The following ANKS1B variants were observed in gnomAD, a reference collection of about 807,000 sequenced individuals.
The protein encoded by ANKS1B is ankyrin repeat and sterile alpha motif domain-containing protein 1B.
In ANKS1B, 36 loss-of-function variants were observed where a neutral mutation model predicts 148.3. That is an observed-to-expected ratio of 0.24 (90% confidence interval 0.19 to 0.32). The LOEUF is 0.32. Among genes scored for constraint, ANKS1B ranks in the 10% least tolerant of loss-of-function variants. The pLI, the probability that ANKS1B is intolerant of heterozygous loss-of-function variation, is 1.00. For missense variants in ANKS1B, 1,157 were observed against 1,542.6 expected (o/e 0.75, Z 4.19); for synonymous variants, 542 against 560.8 (o/e 0.97, Z 0.47).
intron 17 of ANKS1B, among the ~76,000 whole-genome samples, chr12:99,041,137 A>C (rs1323287959): frequency 6.6e-6 from 1 of 152,184 alleles, no homozygotes; most frequent in Admixed American, 6.5e-5. Context: ...AAAATTCTTG[A>C]GCAAGATTGA....
At chr12:99,758,146 A>T (rs2061742210) in intron 8 of ANKS1B, among the ~76,000 whole-genome samples, 1 of 152,014 alleles carries the variant, frequency 6.6e-6, no homozygotes, top group African/African-American at 2.4e-5. Context: ...TGAAATACAA[A>T]CTCCATTTCA....
At chr12:99,616,645 A>G (rs1303926038) in intron 9 of ANKS1B, among the ~76,000 whole-genome samples, 1 of 152,222 alleles carries the variant, frequency 6.6e-6, no homozygotes, top group African/African-American at 2.4e-5. Context: ...TTAACTCAAG[A>G]TGGATTAAAG....
At chr12:98,988,263 T>A (rs1223223374) in intron 17 of ANKS1B, among the ~76,000 whole-genome samples, 1 of 152,184 alleles carries the variant, frequency 6.6e-6, no homozygotes, top group East Asian at 1.9e-4. Context: ...AATTCCCTCC[T>A]TGCAATCACC....
At chr12:99,368,833 C>T (rs566031344) in intron 12 of ANKS1B, among the ~76,000 whole-genome samples, 6 of 152,034 alleles carry the variant, frequency 3.9e-5, no homozygotes, top group African/African-American at 7.2e-5. Flanking sequence ...TTCAGAATAT[C>T]GCACCTTTTT....
rs371916190 is a variant in ANKS1B, at chr12:99,558,806, G to A, written c.1273-54165C>T. On this transcript the variant is annotated intron_variant, in intron 9 of 26. Transcript: ENST00000683438. Reference sequence around the variant, plus strand: ...GTTGCCCAAAAGCTAAAGCCTCCTGGAGGAGCATGGCAAGCCTTGGTGTAT... The same window carrying A: ...GTTGCCCAAAAGCTAAAGCCTCCTGAAGGAGCATGGCAAGCCTTGGTGTAT... 5.3e-5 allele frequency among the ~76,000 whole-genome samples: 8 copies of A among 152,278 alleles called. No homozygotes were observed. In the East Asian group the frequency reaches 1.4e-3, roughly 26 times the overall value.
chr12:99,872,782 T>A (rs1399707136), intron 1 of ANKS1B, among the ~76,000 whole-genome samples: 1 of 152,168 alleles, frequency 6.6e-6, no homozygotes, highest in African/African-American at 2.4e-5. Flanking sequence ...CTTCTCTTTA[T>A]AATCTATATG....
In ANKS1B at chr12:99,576,583, C is replaced by G. The variant is rs1258727703; in HGVS notation, c.1273-71942G>C. 2.0e-5 allele frequency among the ~76,000 whole-genome samples: 3 copies of G among 152,074 alleles called. No homozygotes were observed. In the East Asian group the frequency reaches 5.8e-4, roughly 29 times the overall value. ...ATAGAAATCAATAACAAGAAGATCTCTCAAGACCACACAATTACATGGAAA... is the reference window on the plus strand; with the variant it reads ...ATAGAAATCAATAACAAGAAGATCTGTCAAGACCACACAATTACATGGAAA... On this transcript the variant is annotated intron_variant, in intron 9 of 26. Transcript: ENST00000683438.
intron 9 of ANKS1B, among the ~76,000 whole-genome samples, chr12:99,549,053 T>C (rs1596809708): frequency 6.6e-6 from 1 of 152,320 alleles, no homozygotes; most frequent in Non-Finnish European, 1.5e-5. Context: ...AATTTACCTA[T>C]ATCTTTTTTC....
At chr12:99,355,199 C>T (rs1290032577) in intron 12 of ANKS1B, among the ~76,000 whole-genome samples, 4 of 151,962 alleles carry the variant, frequency 2.6e-5, no homozygotes, top group East Asian at 1.9e-4. Flanking sequence ...CCTAAGAGAG[C>T]GGAATTGCTA....
At chr12:99,314,622 C>T (rs1016206807) in intron 12 of ANKS1B, among the ~76,000 whole-genome samples, 2 of 152,152 alleles carry the variant, frequency 1.3e-5, no homozygotes, top group Admixed American at 1.3e-4. Flanking sequence ...CACACATCTA[C>T]AACCATCTGA....
intron 8 of ANKS1B, among the ~76,000 whole-genome samples, chr12:99,744,892 T>C (rs977513841): frequency 4.1e-5 from 6 of 145,526 alleles, no homozygotes; most frequent in African/African-American, 1.5e-4. Flanking sequence ...CTCAGGAGGC[T>C]GAGGCAGGAG....
intron 11 of ANKS1B, among the ~76,000 whole-genome samples, chr12:99,436,182 C>T (rs761301222): frequency 5.9e-5 from 9 of 151,936 alleles, no homozygotes; most frequent in Admixed American, 1.3e-4. Flanking sequence ...TTATTCTCTC[C>T]TGAAGCTTCA....
rs2098088476 is a variant in ANKS1B, at chr12:99,624,348, A to G, written c.1272+30719T>C. ...ACTTTTTAGACATCAGCCTTGACAA[A>G]GAGTTTATGGCAATATCCTCAAAAG... On this transcript the variant is annotated intron_variant, in intron 9 of 26. Coordinates refer to ENST00000683438, the MANE Select transcript of ANKS1B (RefSeq NM_001352186.2). Among the ~76,000 whole-genome samples the G allele has an allele frequency of 3.3e-5, 5 of 152,076 alleles. No individual in the cohort carries two copies. The South Asian group carries it at 1.0e-3, about 31-fold the overall frequency.
At chr12:99,010,898 TTTG>T (rs371628571) in intron 17 of ANKS1B, among the ~76,000 whole-genome samples, 32,151 of 134,728 alleles carry the variant, frequency 0.24, 4,162 homozygotes, top group African/African-American at 0.34. Context: ...GGTGTGAGCT[TTTG>T]TTTTTTTTTT....
intron 8 of ANKS1B, among the ~76,000 whole-genome samples, chr12:99,740,478 G>A (rs1287146814): frequency 6.6e-6 from 1 of 152,158 alleles, no homozygotes; most frequent in Non-Finnish European, 1.5e-5. Context: ...AGGCAAAAGT[G>A]TATGTCAGAC....
chr12:99,949,980 T>G (rs1281224734), intron 1 of ANKS1B, among the ~76,000 whole-genome samples: 2 of 152,124 alleles, frequency 1.3e-5, no homozygotes, highest in East Asian at 3.8e-4. Context: ...TGTTTGTTTG[T>G]GACAGGGTCT....
chr12:99,526,338 A>G (rs1338595919), intron 9 of ANKS1B, among the ~76,000 whole-genome samples: 2 of 152,124 alleles, frequency 1.3e-5, no homozygotes, highest in African/African-American at 4.8e-5. Flanking sequence ...TTTTTCCCTC[A>G]CCTCGGAACA....
chr12:99,350,440 G>A (rs2091280753), intron 12 of ANKS1B, among the ~76,000 whole-genome samples: 1 of 152,002 alleles, frequency 6.6e-6, no homozygotes, highest in African/African-American at 2.4e-5. Flanking sequence ...TGAAAAAAGA[G>A]CACCAAATTA....
rs188261549 is a variant in ANKS1B at position 99,467,040 on chromosome 12, A to G, written c.1439-23231T>C. 5.4e-4 allele frequency among the ~76,000 whole-genome samples: 82 copies of G among 152,376 alleles called. No homozygotes were observed. In the East Asian group the frequency reaches 0.012, roughly 23 times the overall value. ...ATGAACACTGATGCAAAAATCCTCA[A>G]TTAAATATTGGCAAACCTAATCCAG... On this transcript the variant is annotated intron_variant, in intron 10 of 26. Transcript: ENST00000683438.
Sources: gnomAD v4.1 joint callset for allele counts (sites outside exome capture counted in the v4.1 genomes callset) on GRCh38, gnomAD v4.1.1 for gene constraint, MANE v1.5 for transcripts, NCBI Gene and HGNC (gene_info 2026-07-23, HGNC 2026-07-21) for gene names.